The following TNRC6B variants were observed in gnomAD, a reference collection of about 807,000 sequenced individuals.
TNRC6B encodes trinucleotide repeat containing adaptor 6B, also known as trinucleotide repeat-containing gene 6B protein.
Under a neutral mutation model 203.6 loss-of-function variants are expected in TNRC6B, and 52 were observed. The ratio of observed to expected loss-of-function variants is 0.26; its 90% CI spans 0.20 to 0.32. The LOEUF (loss-of-function observed/expected upper bound fraction) is 0.32, where lower values mean the gene tolerates loss of function less well. Among genes scored for constraint, TNRC6B ranks in the 10% least tolerant of loss-of-function variants. TNRC6B has a pLI of 1.00. For synonymous variants in TNRC6B, 838 were observed against 845.7 expected (o/e 0.99, Z 0.16); for missense variants, 1,923 against 2,286.2 (o/e 0.84, Z 3.24).
At chr22:40,081,382 A>G (rs2068063169) in intron 1 of TNRC6B, among the ~76,000 whole-genome samples, 1 of 132,502 alleles carries the variant, frequency 7.5e-6, no homozygotes, top group Non-Finnish European at 1.5e-5. Flanking sequence ...TTAAACTTTC[A>G]GACTGCTGAG....
chr22:40,259,988 CG>C (rs1475897180), intron 3 of TNRC6B, among the ~76,000 whole-genome samples: 1 of 152,006 alleles, frequency 6.6e-6, no homozygotes, highest in Non-Finnish European at 1.5e-5. Context: ...CAGCATGCAG[CG>C]AGGGAGGTAC....
intron 3 of TNRC6B, among the ~76,000 whole-genome samples, chr22:40,150,442 T>C (rs965751187): frequency 1.3e-5 from 2 of 152,192 alleles, no homozygotes; most frequent in South Asian, 2.1e-4. Context: ...ACAAAGTGAA[T>C]AGAAGAAGAG....
intron 1 of TNRC6B, among the ~76,000 whole-genome samples, chr22:40,202,613 A>G (rs576089209): frequency 6.6e-6 from 1 of 152,248 alleles, no homozygotes; most frequent in South Asian, 2.1e-4. Flanking sequence ...CAGTTTTGAA[A>G]TACATAGCCC....
chr22:40,303,358 A>G (rs541250375), intron 15 of TNRC6B, among the ~76,000 whole-genome samples: 1 of 152,146 alleles, frequency 6.6e-6, no homozygotes. Flanking sequence ...CTAAAGGATC[A>G]GAGTTAAGCA....
intron 2 of TNRC6B, among the ~76,000 whole-genome samples, chr22:40,120,378 G>C (rs1026512978): frequency 2.0e-5 from 3 of 151,894 alleles, no homozygotes; most frequent in Non-Finnish European, 1.5e-5. Context: ...GAAGGGTAGA[G>C]ATGTGGATTG....
intron 17 of TNRC6B, 26 bp downstream of exon 17, chr22:40,311,019 AG>A (rs771899884): frequency 4.0e-5 from 64 of 1,588,406 alleles, no homozygotes; most frequent in Non-Finnish European, 5.2e-5. Flanking sequence ...TGCTTTTCCC[AG>A]GATAGCATTT....
intron 1 of TNRC6B, among the ~76,000 whole-genome samples, chr22:40,103,135 G>C (rs1356261380): frequency 6.6e-6 from 1 of 151,488 alleles, no homozygotes; most frequent in African/African-American, 2.4e-5. Context: ...GGTCATGATG[G>C]CATGTGCTTG....
Position 40,265,354 on chromosome 22 carries a change from A to G in TNRC6B, c.1124A>G (p.Asn375Ser), listed in dbSNP as rs1032374002. The G allele has an allele frequency of 2.5e-6, 4 of 1,613,916 alleles. No individual in the cohort carries two copies. Among genetic ancestry groups the G allele is most frequent in the Non-Finnish European group, 3.4e-6 (4 of 1,179,904 alleles). Residue 375 changes from asparagine to serine, a missense_variant, in exon 5 of 23, where the codon AAT becomes AGT. Physicochemically the swap from Asn to Ser is conservative, Grantham distance 46 (BLOSUM62 1). Coordinates refer to ENST00000454349, the MANE Select transcript of TNRC6B (RefSeq NM_001162501.2). ...ATTCATAACACTGATGGACCAAAAA[A>G]TGGAAACACTAACTCCTTGAACTTA... ...AQIHNTDGPKNGNTNSLNLSS... is the reference protein window; with the variant it reads ...AQIHNTDGPKSGNTNSLNLSS...
chr22:40,111,329 T>TG (rs1026844619), intron 1 of TNRC6B, among the ~76,000 whole-genome samples: 5 of 151,954 alleles, frequency 3.3e-5, no homozygotes, highest in African/African-American at 1.2e-4. Flanking sequence ...CCGACCGCAG[T>TG]GGGAATGGGG....
At chr22:40,195,783 T>A (rs909231126) in intron 1 of TNRC6B, among the ~76,000 whole-genome samples, 2 of 152,044 alleles carry the variant, frequency 1.3e-5, no homozygotes, top group East Asian at 1.9e-4. Context: ...TTTGTTTTGT[T>A]TTTTGAGACG....
intron 4 of TNRC6B, among the ~76,000 whole-genome samples, chr22:40,169,235 T>C (rs184264127): frequency 2.7e-5 from 4 of 150,496 alleles, no homozygotes; most frequent in African/African-American, 7.3e-5. Flanking sequence ...GGGTTCAAGC[T>C]ATTCTCCTCC....
At chr22:40,074,687 G>A (rs1425826694) in intron 1 of TNRC6B, among the ~76,000 whole-genome samples, 1 of 151,990 alleles carries the variant, frequency 6.6e-6, no homozygotes, top group Non-Finnish European at 1.5e-5. Flanking sequence ...GCTGAGGCAG[G>A]AGAATGGTGT....
intron 1 of TNRC6B, among the ~76,000 whole-genome samples, chr22:40,067,122 T>A (rs2146276764): frequency 6.6e-6 from 1 of 152,216 alleles, no homozygotes; most frequent in South Asian, 2.1e-4. Context: ...CAGGCTAGAA[T>A]GTGGAAGCTT....
intron 3 of TNRC6B, among the ~76,000 whole-genome samples, chr22:40,132,192 A>G (rs181779503): frequency 1.8e-4 from 27 of 152,308 alleles, no homozygotes; most frequent in Middle Eastern, 3.4e-3. Context: ...TACTAAAAAT[A>G]CAAAAATTAG....
chr22:40,170,251 C>T (rs1280807611), intron 4 of TNRC6B, among the ~76,000 whole-genome samples: 1 of 142,816 alleles, frequency 7.0e-6, no homozygotes, highest in African/African-American at 2.6e-5. Context: ...GCATTCTAGT[C>T]TGGGCAACAG....
At chr22:40,170,370 A>G (rs1456082659) in intron 4 of TNRC6B, among the ~76,000 whole-genome samples, 1 of 77,006 alleles carries the variant, frequency 1.3e-5, no homozygotes, top group Non-Finnish European at 2.2e-5. Flanking sequence ...TATAGTTTAT[A>G]TATATATTAT....
In TNRC6B at chr22:40,328,832, C is replaced by A. The variant is rs1379440355; in HGVS notation, c.*5591C>A. ...TTTCCCCATCCTCAGAGTTAAAATT[C>A]AACATTTAAAGCTTTATCGGTTATT... On this transcript the variant is annotated 3_prime_UTR_variant, in exon 23 of 23. Coordinates refer to ENST00000454349, the MANE Select transcript of TNRC6B (RefSeq NM_001162501.2). 6.6e-6 allele frequency: 1 copy of A among 152,180 alleles called. No individual in the cohort carries two copies. Among genetic ancestry groups the A allele is most frequent in the Non-Finnish European group, 1.5e-5 (1 of 68,012 alleles). The allele number at this position is 152,180 out of a possible 1,614,324, so 9.4% of individuals were successfully genotyped here. A position where few individuals can be genotyped will look rare whatever the true frequency, so the allele number is the denominator to read the frequency against.
intron 1 of TNRC6B, among the ~76,000 whole-genome samples, chr22:40,182,398 A>G (rs2069145661): frequency 6.6e-6 from 1 of 152,164 alleles, no homozygotes; most frequent in Non-Finnish European, 1.5e-5. Flanking sequence ...TCTGTACAGT[A>G]TTGTTCGTGG....
At chr22:40,207,058 C>A (rs1041610677) in intron 1 of TNRC6B, among the ~76,000 whole-genome samples, 1 of 152,050 alleles carries the variant, frequency 6.6e-6, no homozygotes, top group Admixed American at 6.6e-5. Context: ...CAGTCCTTCA[C>A]GTTCATGCCT....
Sources: gnomAD v4.1 joint callset for allele counts (sites outside exome capture counted in the v4.1 genomes callset) on GRCh38, gnomAD v4.1.1 for gene constraint, MANE v1.5 for transcripts, NCBI Gene and HGNC (gene_info 2026-07-23, HGNC 2026-07-21) for gene names.